CACNA2D2: variants seen among roughly 807,000 people sequenced by gnomAD.
CACNA2D2 encodes the protein calcium voltage-gated channel auxiliary subunit alpha2delta 2.
In CACNA2D2, 48 loss-of-function variants were observed where a neutral mutation model predicts 166.4. That is an observed-to-expected ratio of 0.29 (90% CI 0.23 to 0.37). CACNA2D2 has a LOEUF of 0.37. Ranked by LOEUF, CACNA2D2 falls within the 10% of genes least tolerant of loss-of-function variation. The pLI, the probability that CACNA2D2 is intolerant of heterozygous loss-of-function variation, is 1.00. For synonymous variants in CACNA2D2, 561 were observed against 573.7 expected, an observed-to-expected ratio of 0.98 and a Z score of 0.32; for missense variants, 1,122 against 1,433.0, an observed-to-expected ratio of 0.78 and a Z score of 3.50.
At chr3:50,433,629 T>C (rs1708175635) in intron 3 of CACNA2D2, among the ~76,000 whole-genome samples, 1 of 152,152 alleles carries the variant, frequency 6.6e-6, no homozygotes, top group South Asian at 2.1e-4. Context: ...ACGTATGACC[T>C]TCCCTGGTCA....
Position 50,376,557 on chromosome 3 carries a change from G to C in CACNA2D2, c.1627-369C>G, listed in dbSNP as rs1004932354. ...CTCTAGCCACTACTGCCCCTGATTT[G>C]TGCCTCCTCCTTGTCCCCACGTCAA... On this transcript the variant is annotated intron_variant, in intron 17 of 37. Transcript: ENST00000424201. This position sits in a 1 kb window ranked among gnomAD's most constrained non-coding sequence, Gnocchi z 4.3. Among the ~76,000 whole-genome samples the C allele has an allele frequency of 6.6e-6, 1 of 152,152 alleles. No homozygotes were observed. Among genetic ancestry groups the C allele is most frequent in the Non-Finnish European group, 1.5e-5 (1 of 68,020 alleles).
Position 50,375,943 on chromosome 3 carries a change from T to G in CACNA2D2, c.1773+20A>C. On this transcript the variant is annotated intron_variant, in intron 19 of 37. Coordinates refer to ENST00000424201, the MANE Select transcript of CACNA2D2 (RefSeq NM_006030.4). This position sits in a 1 kb window ranked among gnomAD's most constrained non-coding sequence, Gnocchi z 4.0. Reference sequence around the variant, plus strand: ...ACTCCTCTGCTCTGTCCCCCACCCCTGTTCTCCTCCTCTCCTTACCTCTTC... The same window carrying G: ...ACTCCTCTGCTCTGTCCCCCACCCCGGTTCTCCTCCTCTCCTTACCTCTTC... The G allele has an allele frequency of 6.3e-7, 1 of 1,575,364 alleles. No homozygotes were observed. Among genetic ancestry groups the G allele is most frequent in the South Asian group, 1.1e-5 (1 of 90,926 alleles).
intron 1 of CACNA2D2, among the ~76,000 whole-genome samples, chr3:50,481,763 A>G (rs547800444): frequency 6.6e-6 from 1 of 152,298 alleles, no homozygotes; most frequent in East Asian, 1.9e-4. Context: ...TGGAAGCCCC[A>G]GGCGGGCAGT....
rs1221133144 is a variant in CACNA2D2, at chr3:50,380,428, G to A, written c.842+320C>T. Among the ~76,000 whole-genome samples the A allele has an allele frequency of 6.6e-6, 1 of 152,174 alleles. No homozygotes were observed. The highest frequency in any genetic ancestry group is 1.5e-5 in the Non-Finnish European group (1 of 68,034). ...AGAACAGAGGGGAGGGATATCTGGG[G>A]CTCAGACGGGTGGGGCAGGGACTGG... On this transcript the variant is annotated intron_variant, in intron 8 of 37. Coordinates refer to ENST00000424201, the MANE Select transcript of CACNA2D2 (RefSeq NM_006030.4). This position sits in a 1 kb window ranked among gnomAD's most constrained non-coding sequence, Gnocchi z 4.9.
Position 50,380,691 on chromosome 3 carries a change from C to A in CACNA2D2, c.842+57G>T, listed in dbSNP as rs1420190949. 3.0e-6 allele frequency: 4 copies of A among 1,340,782 alleles called. No homozygotes were observed. The Admixed American group carries it at 9.0e-5, about 30-fold the overall frequency. The allele number at this position is 1,340,782 out of a possible 1,614,324, so 83.1% of individuals were successfully genotyped here. A position where few individuals can be genotyped will look rare whatever the true frequency, so the allele number is the denominator to read the frequency against. ...GGAAATGGGGAGGGAGGGGAGCAGG[C>A]AGGAAAGGTGGGGAACTGAGGGGGT... On this transcript the variant is annotated intron_variant, in intron 8 of 37. Coordinates refer to ENST00000424201, the MANE Select transcript of CACNA2D2 (RefSeq NM_006030.4). This position sits in a 1 kb window ranked among gnomAD's most constrained non-coding sequence, Gnocchi z 4.9.
chr3:50,489,692 T>TGCCCCTTA (rs1011930023), intron 1 of CACNA2D2, among the ~76,000 whole-genome samples: 18 of 152,246 alleles, frequency 1.2e-4, no homozygotes, highest in Non-Finnish European at 1.8e-4. Flanking sequence ...CCTACTCAAC[T>TGCCCCTTA]CCTGCCCCTT....
chr3:50,370,274 G>C, intron 23 of CACNA2D2, 46 bp downstream of exon 23: 1 of 1,407,592 alleles, frequency 7.1e-7, no homozygotes. Flanking sequence ...GGGCCGGGGC[G>C]GTCAGGGTAG....
intron 2 of CACNA2D2, among the ~76,000 whole-genome samples, chr3:50,474,362 C>T (rs1477638052): frequency 1.3e-5 from 2 of 152,218 alleles, no homozygotes; most frequent in Admixed American, 1.3e-4. Context: ...TTCACCACTT[C>T]ATCCTCCGGT....
At position 50,415,376 on chromosome 3, in the gene CACNA2D2, G is replaced by T. The variant is rs1707221530; in HGVS notation, c.405+18937C>A. ...CAATACAATTATACTCTGGAAACAGGAGTCCTGGAGACTTGAGTTCCAGGC... is the reference window on the plus strand; with the variant it reads ...CAATACAATTATACTCTGGAAACAGTAGTCCTGGAGACTTGAGTTCCAGGC... On this transcript the variant is annotated intron_variant, in intron 3 of 37. Coordinates refer to ENST00000424201, the MANE Select transcript of CACNA2D2 (RefSeq NM_006030.4). Among the ~76,000 whole-genome samples, 5 of 152,246 alleles carry T rather than the reference G, an allele frequency of 3.3e-5. No individual in the cohort carries two copies. In the South Asian group the frequency reaches 1.0e-3, roughly 32 times the overall value.
intron 1 of CACNA2D2, among the ~76,000 whole-genome samples, chr3:50,485,053 C>T (rs1377147165): frequency 6.6e-6 from 1 of 152,214 alleles, no homozygotes; most frequent in African/African-American, 2.4e-5. Flanking sequence ...CCTGTGGCTT[C>T]CGTGCATAAT....
In CACNA2D2 at chr3:50,377,883, G is replaced by A. The variant is rs1705072950; in HGVS notation, c.1480-80C>T. 7.4e-6 allele frequency: 11 copies of A among 1,489,368 alleles called. No individual in the cohort carries two copies. In the South Asian group the frequency reaches 1.2e-4, roughly 16 times the overall value. 92.3% of individuals were successfully genotyped at this position (1,489,368 alleles called of 1,614,324 possible). On this transcript the variant is annotated intron_variant, in intron 15 of 37. Transcript: ENST00000424201. Reference sequence around the variant, plus strand: ...GAGTGTTCAGAGCAGGGACTGAGGTGCAGGCCACCTCTTTCTCCTGTGCTT... The same window carrying A: ...GAGTGTTCAGAGCAGGGACTGAGGTACAGGCCACCTCTTTCTCCTGTGCTT...
intron 1 of CACNA2D2, among the ~76,000 whole-genome samples, chr3:50,477,651 C>T (rs1697846606): frequency 6.6e-6 from 1 of 152,212 alleles, no homozygotes; most frequent in South Asian, 2.1e-4. Flanking sequence ...AGACCAAGAC[C>T]TTTCCAGGAA....
rs752490380 is a variant in CACNA2D2 at position 50,377,761 on chromosome 3, G to A, written c.1522C>T (p.Leu508=). ...VVTGTLPVFN[L]TQDGPGEKKN... is the part of the protein sequence containing the mutation. ...TTTTCCCCAGGGCCATCCTGTGTCA[G>A]GTTGAAAACAGGGAGGGTCCCTGTT... The change falls in exon 16 of 38, where the codon CTG becomes TTG. Residue 508 remains leucine (L), a synonymous_variant. Transcript: ENST00000424201. 1 of 1,613,386 alleles carries A rather than the reference G, an allele frequency of 6.2e-7. No homozygotes were observed. Among genetic ancestry groups the A allele is most frequent in the East Asian group, 2.2e-5 (1 of 44,880 alleles).
At chr3:50,448,306 T>G (rs544380543) in intron 2 of CACNA2D2, among the ~76,000 whole-genome samples, 19 of 152,240 alleles carry the variant, frequency 1.2e-4, no homozygotes, top group Non-Finnish European at 2.5e-4. Context: ...GCTCTGGCTA[T>G]CAAGCTCTTT....
chr3:50,403,243 G>C (rs1315026571), intron 3 of CACNA2D2, among the ~76,000 whole-genome samples: 1 of 151,960 alleles, frequency 6.6e-6, no homozygotes, highest in East Asian at 1.9e-4. Context: ...GAACGGGATG[G>C]GGACTCACTT....
rs201504248 is a variant in CACNA2D2 at position 50,482,416 on chromosome 3, C to T, written c.207-6217G>A. On this transcript the variant is annotated intron_variant, in intron 1 of 37. Coordinates refer to ENST00000424201, the MANE Select transcript of CACNA2D2 (RefSeq NM_006030.4). ...ACTGAGTGCCTAGATCCAGCCCTGG[C>T]TTTTGCAAGACCTTGAACTAGACCT... Among the ~76,000 whole-genome samples the T allele has an allele frequency of 3.3e-5, 5 of 152,342 alleles. No individual in the cohort carries two copies. The East Asian group carries it at 9.6e-4, about 29-fold the overall frequency.
At chr3:50,405,367 AG>A (rs754316232) in intron 3 of CACNA2D2, among the ~76,000 whole-genome samples, 3 of 88,002 alleles carry the variant, frequency 3.4e-5, no homozygotes, top group African/African-American at 5.3e-5. Context: ...CGTGGTGGGG[AG>A]GGGGGTGGGG....
At chr3:50,374,481 C>G (rs1041699294) in intron 22 of CACNA2D2, among the ~76,000 whole-genome samples, 2 of 151,564 alleles carry the variant, frequency 1.3e-5, no homozygotes, top group African/African-American at 4.9e-5. Context: ...AGGGAAGACA[C>G]GGAGTAGGAG....
chr3:50,422,080 T>C (rs2106842684), intron 3 of CACNA2D2, among the ~76,000 whole-genome samples: 1 of 152,160 alleles, frequency 6.6e-6, no homozygotes, highest in East Asian at 1.9e-4. Context: ...TCCATCCTCT[T>C]TAGCACCAGG....
Sources: gnomAD v4.1 joint callset for allele counts (sites outside exome capture counted in the v4.1 genomes callset) on GRCh38, gnomAD v4.1.1 for gene constraint, Gnocchi (gnomAD v3.1) non-coding constraint, MANE v1.5 for transcripts, NCBI Gene and HGNC (gene_info 2026-07-23, HGNC 2026-07-21) for gene names.